The following RBPJ variants were observed in gnomAD, a reference collection of about 807,000 sequenced individuals.
RBPJ encodes the protein recombination signal binding protein for immunoglobulin kappa J region.
In RBPJ, 9 loss-of-function variants were observed where a neutral mutation model predicts 67.8. The observed-to-expected ratio is 0.13, with a 90% CI of 0.08 to 0.23. The LOEUF (loss-of-function observed/expected upper bound fraction) is 0.23. RBPJ is among the 10% of genes least tolerant of loss of function. The pLI is 1.00. For synonymous variants in RBPJ, 198 were observed against 203.3 expected, an observed-to-expected ratio of 0.97 and a Z score of 0.22; for missense variants, 305 against 595.6, an observed-to-expected ratio of 0.51 and a Z score of 5.08.
chr4:26,387,986 C>T (rs767551099), intron 2 of RBPJ, among the ~76,000 whole-genome samples: 3 of 151,984 alleles, frequency 2.0e-5, no homozygotes, highest in Non-Finnish European at 4.4e-5. Context: ...GAACACAGCT[C>T]AAGAATACAG....
chr4:26,143,387 C>T, the RBPJ span, among the ~76,000 whole-genome samples: 1 of 152,206 alleles, frequency 6.6e-6, no homozygotes, highest in South Asian at 2.1e-4. Flanking sequence ...TCTCGCAAAG[C>T]GTAAAAGCCA....
chr4:26,386,300 G>T, intron 1 of RBPJ, 53 bp from the exon 2 acceptor site: 4 of 1,243,314 alleles, frequency 3.2e-6, no homozygotes, highest in East Asian at 2.4e-5. Context: ...GCTTTCTGTA[G>T]AGTGTATCAT....
intron 1 of RBPJ, among the ~76,000 whole-genome samples, chr4:26,354,454 T>TGG (rs1727145861): frequency 2.8e-5 from 1 of 36,350 alleles, no homozygotes; most frequent in African/African-American, 6.5e-5. Context: ...GATTTCTGTT[T>TGG]TTTTTTTTTT....
intron 1 of RBPJ, among the ~76,000 whole-genome samples, chr4:26,313,443 G>A (rs1337144639): frequency 2.6e-5 from 4 of 152,182 alleles, no homozygotes; most frequent in African/African-American, 4.8e-5. Flanking sequence ...TGAGGCAGGC[G>A]GATCACGAGG....
At chr4:26,389,917 C>A (rs1424963272) in intron 2 of RBPJ, among the ~76,000 whole-genome samples, 2 of 152,044 alleles carry the variant, frequency 1.3e-5, no homozygotes, top group Non-Finnish European at 2.9e-5. Flanking sequence ...AATTGGAGAG[C>A]AGGACATACT....
rs1359109693 is a variant in RBPJ, at chr4:26,424,790, T to C, written c.747+47T>C. The stretch of plus-strand genomic sequence containing the variant: ...AGTGATAATGTGAAGTAAAAATTAA[T>C]TTCTTAAACAGGAAAATCACAACAT... On this transcript the variant is annotated intron_variant, in intron 7 of 10. Coordinates refer to ENST00000355476, the MANE Select transcript of RBPJ (RefSeq NM_015874.6). This position sits in a 1 kb window ranked among gnomAD's most constrained non-coding sequence, Gnocchi z 5.3. 1 of 1,109,690 alleles carries C rather than the reference T, an allele frequency of 9.0e-7. No individual in the cohort carries two copies. The highest frequency in any genetic ancestry group is 2.4e-5 in the East Asian group (1 of 42,278). The allele number at this position is 1,109,690 out of a possible 1,614,324, so 68.7% of individuals were successfully genotyped here. A position where few individuals can be genotyped will look rare whatever the true frequency, so the allele number is the denominator to read the frequency against.
the RBPJ span, among the ~76,000 whole-genome samples, chr4:26,114,024 C>G: frequency 6.6e-6 from 1 of 152,150 alleles, no homozygotes; most frequent in Non-Finnish European, 1.5e-5. Flanking sequence ...GCAGCAAAAA[C>G]CTTTATCTAA....
intron 1 of RBPJ, among the ~76,000 whole-genome samples, chr4:26,327,334 T>C (rs2109343373): frequency 6.6e-6 from 1 of 152,336 alleles, no homozygotes; most frequent in East Asian, 1.9e-4. Flanking sequence ...GTTGAGACAA[T>C]GCATAATGGT....
chr4:26,339,954 G>A (rs1201657496), intron 1 of RBPJ, among the ~76,000 whole-genome samples: 1 of 152,086 alleles, frequency 6.6e-6, no homozygotes, highest in African/African-American at 2.4e-5. Flanking sequence ...GGGATGCGGA[G>A]GTTGCAGTGA....
chr4:26,110,870 C>A, the RBPJ span, among the ~76,000 whole-genome samples: 1 of 152,192 alleles, frequency 6.6e-6, no homozygotes. The surrounding 1 kb of genome is among the most constrained non-coding windows in gnomAD (Gnocchi z 4.5). Flanking sequence ...TCAGGACAGT[C>A]TCTCTGGTGA....
intron 1 of RBPJ, among the ~76,000 whole-genome samples, chr4:26,255,358 C>G (rs866723576): frequency 1.8e-5 from 2 of 109,540 alleles, no homozygotes; most frequent in Non-Finnish European, 1.7e-5. Context: ...GAGCCGAGAT[C>G]GCGCCACCGC....
rs780018111 is a variant in RBPJ at position 26,406,173 on chromosome 4, A to T, written c.60-2A>T. On this transcript the variant is annotated splice_acceptor_variant, in intron 2 of 10. Transcript: ENST00000355476. LOFTEE classifies it high-confidence loss of function. ...AACAGTAATATTTGTATTTGTTTTT[A>T]GGGAAGCTATGCGAAATTATTTAAA... The T allele has an allele frequency of 6.3e-7, 1 of 1,594,180 alleles. No homozygotes were observed. Among genetic ancestry groups the T allele is most frequent in the Non-Finnish European group, 8.6e-7 (1 of 1,162,518 alleles).
the RBPJ span, among the ~76,000 whole-genome samples, chr4:26,141,564 T>C: frequency 4.1e-3 from 619 of 152,344 alleles, 3 homozygotes; most frequent in African/African-American, 0.014. Context: ...GAGTGACATT[T>C]CAATCTATGC....
Position 26,431,153 on chromosome 4 carries a change from C to A in RBPJ, c.*146C>A. ...ATTCAAAAACCCCGTTGTCTCCCTG[C>A]AAGTGCTGATTTGAAATGCAGAAGC... On this transcript the variant is annotated 3_prime_UTR_variant, in exon 11 of 11. Coordinates refer to ENST00000355476, the MANE Select transcript of RBPJ (RefSeq NM_015874.6). The A allele has an allele frequency of 3.7e-6, 1 of 267,804 alleles. No homozygotes were observed. The highest frequency in any genetic ancestry group is 6.0e-5 in the East Asian group (1 of 16,556). 16.6% of individuals were successfully genotyped at this position (267,804 alleles called of 1,614,324 possible).
At chr4:26,189,833 G>A (rs1717413266) in intron 1 of RBPJ, among the ~76,000 whole-genome samples, 1 of 152,148 alleles carries the variant, frequency 6.6e-6, no homozygotes, top group Non-Finnish European at 1.5e-5. Flanking sequence ...TGAAGAGTCA[G>A]CATCATTAAT....
upstream of RBPJ, chr4:26,320,707 G>T (rs1218892246): frequency 1.3e-6 from 2 of 1,540,142 alleles, no homozygotes; most frequent in South Asian, 1.2e-5. Flanking sequence ...CAGTCTCCAC[G>T]TACGTCCCTC....
chr4:26,303,289 A>ATC (rs1348735882), intron 1 of RBPJ, among the ~76,000 whole-genome samples: 1 of 147,550 alleles, frequency 6.8e-6, no homozygotes, highest in Non-Finnish European at 1.5e-5. Context: ...ATATATATAT[A>ATC]TATATAATCT....
upstream of RBPJ, among the ~76,000 whole-genome samples, chr4:26,317,716 A>AT (rs1174440869): frequency 6.6e-6 from 1 of 152,080 alleles, no homozygotes. Context: ...AGCCAATAGG[A>AT]TTTTCCGTCC....
chr4:26,152,258 CAT>C, the RBPJ span, among the ~76,000 whole-genome samples: 6 of 152,328 alleles, frequency 3.9e-5, no homozygotes, highest in East Asian at 7.7e-4. Flanking sequence ...AGAGTTGACA[CAT>C]GTCTTCCAGC....
Sources: gnomAD v4.1 joint callset for allele counts (sites outside exome capture counted in the v4.1 genomes callset) on GRCh38, gnomAD v4.1.1 for gene constraint, Gnocchi (gnomAD v3.1) non-coding constraint, MANE v1.5 for transcripts, NCBI Gene and HGNC (gene_info 2026-07-23, HGNC 2026-07-21) for gene names.